The following ASCC1 variants were observed in gnomAD, a reference collection of about 807,000 sequenced individuals.
ASCC1 encodes ASC-1 complex subunit P50.
Under a neutral mutation model 46.6 loss-of-function variants are expected in ASCC1, and 35 were observed. The ratio of observed to expected loss-of-function variants is 0.75; its 90% CI spans 0.57 to 0.99. The LOEUF is 0.99. Ranked by LOEUF, ASCC1 falls within the 50% of genes least tolerant of loss-of-function variation. The probability of loss-of-function intolerance (pLI) is 0.00; values close to 1 mark genes in which losing one functional copy is unlikely to be tolerated. For synonymous variants in ASCC1, 143 were observed against 146.6 expected, an observed-to-expected ratio of 0.98 and a Z score of 0.18; for missense variants, 376 against 428.7, an observed-to-expected ratio of 0.88 and a Z score of 1.09.
chr10:72,186,719 G>A (rs955959729), intron 5 of ASCC1, among the ~76,000 whole-genome samples: 1 of 152,040 alleles, frequency 6.6e-6, no homozygotes, highest in African/African-American at 2.4e-5. Context: ...CTTATTTCCA[G>A]CTGTTATCAG....
rs756739287 is a variant in ASCC1 at position 72,197,030 on chromosome 10, C to T, written c.311-41G>A. On this transcript the variant is annotated intron_variant, in intron 4 of 9. Transcript: ENST00000672957. ...AAAGGGTAAACTGCTCAAGGACCCC[C>T]AAATGCTTATAAAACAGGACCTCTT... The T allele has an allele frequency of 5.6e-6, 9 of 1,605,438 alleles. No individual in the cohort carries two copies. The Admixed American group carries it at 1.2e-4, about 21-fold the overall frequency.
At chr10:72,205,828 T>G (rs568968743) in intron 3 of ASCC1, among the ~76,000 whole-genome samples, 263 of 151,474 alleles carry the variant, frequency 1.7e-3, no homozygotes, top group African/African-American at 6.2e-3. Flanking sequence ...AAATTAAATT[T>G]GGCTGGGGGT....
At chr10:72,214,363 A>ATTTTTTTTTTTTTTTTTTTTT (rs1564778513) in intron 1 of ASCC1, among the ~76,000 whole-genome samples, 1 of 139,846 alleles carries the variant, frequency 7.2e-6, no homozygotes, top group Non-Finnish European at 1.5e-5. Context: ...TTTGCACAAT[A>ATTTTTTTTTTTTTTTTTTTTT]TCTCTTTTTT....
chr10:72,191,055 G>T (rs2133182967), intron 5 of ASCC1, among the ~76,000 whole-genome samples: 1 of 149,010 alleles, frequency 6.7e-6, no homozygotes, highest in South Asian at 2.1e-4. Context: ...AAGCGGTGGT[G>T]TATCTTGTTT....
chr10:72,166,089 C>T (rs1408776499), intron 5 of ASCC1, among the ~76,000 whole-genome samples: 2 of 152,132 alleles, frequency 1.3e-5, no homozygotes, highest in African/African-American at 2.4e-5. Context: ...AATTCAAACC[C>T]AGGCAGTCAA....
At chr10:72,167,181 T>C (rs1490687653) in intron 5 of ASCC1, among the ~76,000 whole-genome samples, 2 of 152,186 alleles carry the variant, frequency 1.3e-5, no homozygotes, top group Non-Finnish European at 2.9e-5. Context: ...TTATTTATAA[T>C]AGCCAAAGAG....
chr10:72,105,967 G>T lies in ASCC1; in HGVS notation c.958-8517C>A, dbSNP rs936428237. Among the ~76,000 whole-genome samples, 3 of 152,140 alleles carry T rather than the reference G, an allele frequency of 2.0e-5. 1 individual carries two copies. The South Asian group carries it at 6.2e-4, about 32-fold the overall frequency. On this transcript the variant is annotated intron_variant, in intron 9 of 9. Transcript: ENST00000672957. ...GGCCTTTTCTTATATCTGTGACCTC[G>T]GGCTATAGAACCGAATAAATGGCCA...
At chr10:72,117,766 A>G (rs1024837001) in intron 9 of ASCC1, among the ~76,000 whole-genome samples, 4 of 152,222 alleles carry the variant, frequency 2.6e-5, no homozygotes, top group Non-Finnish European at 5.9e-5. Context: ...CTATTACAAA[A>G]TATTAGTATG....
chr10:72,146,864 T>C (rs1327818998), intron 7 of ASCC1, among the ~76,000 whole-genome samples: 1 of 151,234 alleles, frequency 6.6e-6, no homozygotes, highest in Non-Finnish European at 1.5e-5. Context: ...CAAAAAAAGT[T>C]AAGTGCTTGT....
intron 5 of ASCC1, among the ~76,000 whole-genome samples, chr10:72,178,433 T>G (rs1210442291): frequency 6.6e-6 from 1 of 152,198 alleles, no homozygotes; most frequent in African/African-American, 2.4e-5. Context: ...AGCAGAGTCT[T>G]TGGCTGGTGG....
intron 9 of ASCC1, among the ~76,000 whole-genome samples, chr10:72,121,781 G>A (rs1316167840): frequency 2.6e-5 from 4 of 152,286 alleles, no homozygotes; most frequent in South Asian, 4.1e-4. Context: ...AAGAAACAAT[G>A]AACTCACTAT....
At chr10:72,099,769 G>A (rs181290463) in intron 9 of ASCC1, among the ~76,000 whole-genome samples, 11 of 152,098 alleles carry the variant, frequency 7.2e-5, no homozygotes, top group Admixed American at 5.2e-4. Context: ...GCGGTGAGCC[G>A]AGATTGCATC....
At chr10:72,107,057 C>T (rs1413483390) in intron 9 of ASCC1, among the ~76,000 whole-genome samples, 1 of 151,958 alleles carries the variant, frequency 6.6e-6, no homozygotes, top group African/African-American at 2.4e-5. Context: ...ATCCCAATTG[C>T]AAAACATCAA....
In ASCC1 at chr10:72,133,133, T is replaced by C. The variant is rs748354891; in HGVS notation, c.795A>G (p.Gly265=). 2.5e-6 allele frequency: 4 copies of C among 1,614,070 alleles called. No individual in the cohort carries two copies. Among genetic ancestry groups the C allele is most frequent in the Non-Finnish European group, 3.4e-6 (4 of 1,179,902 alleles). Residue 265 remains glycine, a synonymous_variant, in exon 8 of 10, where the codon GGA becomes GGG. Coordinates refer to ENST00000672957, the MANE Select transcript of ASCC1 (RefSeq NM_001198800.3). ...DRVLERFQAS[G]LIVKEWNSVK... ...CACTATTCCACTCTTTCACTATTAG[T>C]CCAGATGCCTGAAAACGTTCCAGCA...
intron 7 of ASCC1, among the ~76,000 whole-genome samples, chr10:72,137,317 A>C (rs763857432): frequency 3.9e-5 from 6 of 152,052 alleles, no homozygotes; most frequent in Admixed American, 1.3e-4. Flanking sequence ...TCACGAGGTC[A>C]GAAGTTCGAG....
chr10:72,119,809 T>C (rs1843973343), intron 9 of ASCC1, among the ~76,000 whole-genome samples: 1 of 151,636 alleles, frequency 6.6e-6, no homozygotes, highest in African/African-American at 2.4e-5. Context: ...GGAATTATCA[T>C]ACTGGGAACA....
At position 72,211,778 on chromosome 10, in the gene ASCC1, G is replaced by A. The variant is rs182224036; in HGVS notation, c.113-947C>T. Among the ~76,000 whole-genome samples, 426 of 150,058 alleles carry A rather than the reference G, an allele frequency of 2.8e-3. 3 individuals carry two copies. Among genetic ancestry groups the A allele is most frequent in the African/African-American group, 1.0e-2 (407 of 40,784 alleles). On this transcript the variant is annotated intron_variant, in intron 2 of 9. Transcript: ENST00000672957. ...GCAGAGCTTGCAGTGAGCCGAGATC[G>A]CGCCACTGCACTCCAGCCTGGGTGA...
chr10:72,098,545 ATGTCCCCAACG>A (rs1321974727), intron 9 of ASCC1, among the ~76,000 whole-genome samples: 1 of 152,206 alleles, frequency 6.6e-6, no homozygotes, highest in African/African-American at 2.4e-5. Flanking sequence ...CTTGTGACAC[ATGTCCCCAACG>A]ATGCCTGAGG....
chr10:72,188,071 C>T (rs967440265), intron 5 of ASCC1, among the ~76,000 whole-genome samples: 1 of 140,202 alleles, frequency 7.1e-6, no homozygotes, highest in East Asian at 2.0e-4. Context: ...AGCAATTTTA[C>T]TAATTCTCAC....
Sources: gnomAD v4.1 joint callset for allele counts (sites outside exome capture counted in the v4.1 genomes callset) on GRCh38, gnomAD v4.1.1 for gene constraint, MANE v1.5 for transcripts, NCBI Gene and HGNC (gene_info 2026-07-23, HGNC 2026-07-21) for gene names.